The following KCNQ5 variants were observed in gnomAD, a reference collection of about 807,000 sequenced individuals.
KCNQ5 encodes the protein potassium voltage-gated channel subfamily Q member 5.
Under a neutral mutation model 98.2 loss-of-function variants are expected in KCNQ5, and 30 were observed. That is an observed-to-expected ratio of 0.31 (90% confidence interval 0.23 to 0.41). KCNQ5 has a LOEUF of 0.41. Among genes scored for constraint, KCNQ5 ranks in the 10% least tolerant of loss-of-function variants. KCNQ5 has a pLI of 1.00. For synonymous variants in KCNQ5, 458 were observed against 449.4 expected, an observed-to-expected ratio of 1.02 and a Z score of -0.24; for missense variants, 835 against 1,182.5, an observed-to-expected ratio of 0.71 and a Z score of 4.31.
intron 5 of KCNQ5, among the ~76,000 whole-genome samples, chr6:73,096,960 T>C (rs1426366707): frequency 6.6e-6 from 1 of 152,034 alleles, no homozygotes; most frequent in African/African-American, 2.4e-5. Flanking sequence ...GGAGAATCAC[T>C]TGAACCTGCG....
chr6:72,795,658 A>G (rs934800144), intron 1 of KCNQ5, among the ~76,000 whole-genome samples: 1 of 152,188 alleles, frequency 6.6e-6, no homozygotes, highest in African/African-American at 2.4e-5. Context: ...TAACATATGA[A>G]TCAGAATTGT....
In KCNQ5 at chr6:73,016,598, C is replaced by T. The variant is rs569730895; in HGVS notation, c.489+12600C>T. On this transcript the variant is annotated intron_variant, in intron 2 of 13. Transcript: ENST00000370398. ...GACCTGACTTTAGAATGGACTAGAG[C>T]AGAGAGTAATAGGATGGGGGACATT... Among the ~76,000 whole-genome samples, 22 of 152,086 alleles carry T rather than the reference C, an allele frequency of 1.4e-4. 1 individual carries two copies. The South Asian group carries it at 4.0e-3, about 27-fold the overall frequency.
rs770146068 is a variant in KCNQ5 at position 72,622,628 on chromosome 6, C to A, written c.398+41C>A. The A allele has an allele frequency of 1.9e-5, 30 of 1,606,092 alleles. No homozygotes were observed. Among genetic ancestry groups the A allele is most frequent in the Non-Finnish European group, 2.5e-5 (29 of 1,176,398 alleles). The stretch of plus-strand genomic sequence containing the variant: ...CCCTGCTATGCCCGCTGCAGGGGAC[C>A]ACTGTCCCTGGCCCCCTGGGGCGTG... On this transcript the variant is annotated intron_variant, in intron 1 of 13. Coordinates refer to ENST00000370398, the MANE Select transcript of KCNQ5 (RefSeq NM_019842.4). This position sits in a 1 kb window ranked among gnomAD's most constrained non-coding sequence, Gnocchi z 6.0.
chr6:72,954,268 C>T (rs1449009811), intron 1 of KCNQ5, among the ~76,000 whole-genome samples: 3 of 152,088 alleles, frequency 2.0e-5, no homozygotes, highest in Non-Finnish European at 4.4e-5. Context: ...ACCTGTATGC[C>T]TTTACTGCTG....
chr6:72,850,765 T>C (rs370714230), intron 1 of KCNQ5, among the ~76,000 whole-genome samples: 40 of 151,968 alleles, frequency 2.6e-4, no homozygotes, highest in African/African-American at 6.5e-4. Context: ...ATAGCTGGTG[T>C]GTGCTTTATT....
At chr6:72,940,226 AAAG>A (rs2150238458) in intron 1 of KCNQ5, among the ~76,000 whole-genome samples, 1 of 152,338 alleles carries the variant, frequency 6.6e-6, no homozygotes, top group East Asian at 1.9e-4. Context: ...CTATTCCCAA[AAAG>A]AAGATTTAAT....
At chr6:73,110,728 T>C (rs902877535) in intron 6 of KCNQ5, among the ~76,000 whole-genome samples, 2 of 152,192 alleles carry the variant, frequency 1.3e-5, no homozygotes, top group African/African-American at 2.4e-5. Context: ...AGGTGTACAG[T>C]TATAACATTA....
At chr6:73,055,464 T>A (rs549580592) in intron 3 of KCNQ5, 1 of 1,552,318 alleles carries the variant, frequency 6.4e-7, no homozygotes, top group East Asian at 2.2e-5. Context: ...CCACCTCCGA[T>A]GGAGCCCTAC....
chr6:72,966,661 T>C (rs1434098977), intron 1 of KCNQ5, among the ~76,000 whole-genome samples: 1 of 152,214 alleles, frequency 6.6e-6, no homozygotes, highest in Non-Finnish European at 1.5e-5. Context: ...CAAATATTTA[T>C]GCTAAAACTT....
At chr6:73,161,955 C>A (rs939583253) in intron 10 of KCNQ5, among the ~76,000 whole-genome samples, 1 of 152,030 alleles carries the variant, frequency 6.6e-6, no homozygotes, top group Non-Finnish European at 1.5e-5. Context: ...TCACTCTTGT[C>A]ACCCAGACTA....
At chr6:72,647,584 C>T (rs1765660374) in intron 1 of KCNQ5, among the ~76,000 whole-genome samples, 1 of 152,112 alleles carries the variant, frequency 6.6e-6, no homozygotes, top group Admixed American at 6.5e-5. Context: ...GCTTGTTCCT[C>T]AACTTCCCTA....
At chr6:72,713,189 T>C (rs1769457721) in intron 1 of KCNQ5, among the ~76,000 whole-genome samples, 1 of 152,164 alleles carries the variant, frequency 6.6e-6, no homozygotes, top group African/African-American at 2.4e-5. Flanking sequence ...CTTGCTAACA[T>C]CTCTGGCTGA....
chr6:72,737,787 G>A lies in KCNQ5; in HGVS notation c.398+115200G>A, dbSNP rs184978634. On this transcript the variant is annotated intron_variant, in intron 1 of 13. Transcript: ENST00000370398. Reference sequence around the variant, plus strand: ...GTATTGTTTCATGAAACTTGTCTCAGTTTTATCTGCAGGGAAGGTGCAAGG... The same window carrying A: ...GTATTGTTTCATGAAACTTGTCTCAATTTTATCTGCAGGGAAGGTGCAAGG... Among the ~76,000 whole-genome samples, 275 of 152,160 alleles carry A rather than the reference G, an allele frequency of 1.8e-3. 1 individual carries two copies. Among genetic ancestry groups the A allele is most frequent in the Non-Finnish European group, 3.2e-3 (220 of 68,002 alleles).
intron 11 of KCNQ5, among the ~76,000 whole-genome samples, chr6:73,180,375 A>C (rs1433937259): frequency 5.3e-5 from 8 of 152,250 alleles, no homozygotes; most frequent in African/African-American, 1.9e-4. Flanking sequence ...AATCCTTTGA[A>C]AAATTAATGG....
chr6:72,687,182 C>T (rs900394366), intron 1 of KCNQ5, among the ~76,000 whole-genome samples: 5 of 152,142 alleles, frequency 3.3e-5, no homozygotes, highest in Admixed American at 2.0e-4. Flanking sequence ...GTATATGAAG[C>T]GTTACTGAAT....
Position 72,622,229 on chromosome 6 carries a change from G to T in KCNQ5, c.40G>T (p.Ala14Ser). The T allele has an allele frequency of 8.1e-7, 1 of 1,236,694 alleles. No individual in the cohort carries two copies. Among genetic ancestry groups the T allele is most frequent in the Non-Finnish European group, 1.0e-6 (1 of 991,750 alleles). The allele number at this position is 1,236,694 out of a possible 1,614,324, so 76.6% of individuals were successfully genotyped here. The change falls in exon 1 of 14, where the codon GCC (alanine) becomes TCC (serine). Residue 14 changes from alanine (A) to serine (S), a missense_variant. Coordinates refer to ENST00000370398, the MANE Select transcript of KCNQ5 (RefSeq NM_019842.4). This position sits in a 1 kb window ranked among gnomAD's most constrained non-coding sequence, Gnocchi z 6.0. ...HHAGGEEGGA[A>S]GLWVKSGAAA... ...CGCGGGAGGAGAGGAGGGCGGCGCC[G>T]CCGGGCTCTGGGTGAAGAGCGGCGC...
chr6:73,100,013 T>G (rs906078032), intron 5 of KCNQ5, among the ~76,000 whole-genome samples: 2 of 152,160 alleles, frequency 1.3e-5, no homozygotes, highest in Non-Finnish European at 2.9e-5. Flanking sequence ...CACAATTGAA[T>G]GAAACTAAAA....
chr6:72,808,463 T>G (rs1177994351), intron 1 of KCNQ5, among the ~76,000 whole-genome samples: 2 of 152,188 alleles, frequency 1.3e-5, no homozygotes, highest in African/African-American at 4.8e-5. Flanking sequence ...AGGGTACCCA[T>G]TGTCAAAACC....
chr6:73,173,830 A>G (rs909185313), intron 11 of KCNQ5, among the ~76,000 whole-genome samples: 6 of 152,140 alleles, frequency 3.9e-5, no homozygotes, highest in African/African-American at 7.2e-5. Flanking sequence ...CAAATATTTG[A>G]AAGTCATATA....
Sources: allele counts gnomAD v4.1 joint callset (sites outside exome capture counted in the v4.1 genomes callset), GRCh38; gene constraint gnomAD v4.1.1; non-coding constraint Gnocchi (gnomAD v3.1); transcripts MANE v1.5; gene names NCBI Gene and HGNC (gene_info 2026-07-23, HGNC 2026-07-21).